Variants in PCDH7 observed in about 807,000 individuals in gnomAD.
PCDH7 encodes protocadherin 7.
A neutral mutation model predicts 58.9 loss-of-function variants in PCDH7; 17 were observed. The observed-to-expected ratio is 0.29, with a 90% CI of 0.20 to 0.43. The LOEUF (loss-of-function observed/expected upper bound fraction) is 0.43. Ranked by LOEUF, PCDH7 falls within the 20% of genes least tolerant of loss-of-function variation. The pLI is 1.00. For synonymous variants in PCDH7, 664 were observed against 616.4 expected (o/e 1.08, Z -1.14); for missense variants, 1,274 against 1,441.0 (o/e 0.88, Z 1.88).
intron 2 of PCDH7, among the ~76,000 whole-genome samples, chr4:30,933,149 C>A (rs1377528730): frequency 6.6e-6 from 1 of 152,024 alleles, no homozygotes; most frequent in African/African-American, 2.4e-5. Flanking sequence ...GCCTCAGGCT[C>A]CCAAGTAGCT....
intron 1 of PCDH7, among the ~76,000 whole-genome samples, chr4:30,738,645 C>T (rs924020611): frequency 1.3e-5 from 2 of 152,202 alleles, no homozygotes; most frequent in East Asian, 1.9e-4. Context: ...GTAAAATCAA[C>T]ATTTACATGA....
intron 3 of PCDH7, among the ~76,000 whole-genome samples, chr4:31,033,151 A>C (rs1755102601): frequency 6.6e-6 from 1 of 152,196 alleles, no homozygotes; most frequent in African/African-American, 2.4e-5. Context: ...ATGCAAAATA[A>C]AAATAATGTT....
At chr4:30,886,595 C>T (rs112221551) in intron 1 of PCDH7, among the ~76,000 whole-genome samples, 34,999 of 148,480 alleles carry the variant, frequency 0.24, 4,241 homozygotes, top group Middle Eastern at 0.26. Context: ...AGTAGAAATA[C>T]CATTTGACCC....
chr4:30,957,398 A>G (rs6819579), intron 3 of PCDH7, among the ~76,000 whole-genome samples: 13,995 of 152,228 alleles, frequency 0.092, 947 homozygotes, highest in East Asian at 0.28. Context: ...TTAGCTGAGT[A>G]TAATAGCAAC....
In PCDH7 at chr4:31,119,824, G is replaced by A. The variant is rs181042139; in HGVS notation, c.*8-22649G>A. ...ACCTGAGGCATTCTTCCCTTTTCCA[G>A]TGGACTGTGCCAGAAGGTCTTACGC... On this transcript the variant is annotated intron_variant, in intron 3 of 3. Transcript: ENST00000509759. 1.6e-3 allele frequency among the ~76,000 whole-genome samples: 246 copies of A among 152,158 alleles called. 2 individuals are homozygous for A. Among genetic ancestry groups the A allele is most frequent in the African/African-American group, 5.6e-3 (234 of 41,498 alleles).
intron 3 of PCDH7, among the ~76,000 whole-genome samples, chr4:31,135,355 T>G (rs549354912): frequency 6.6e-6 from 1 of 152,162 alleles, no homozygotes; most frequent in Non-Finnish European, 1.5e-5. Context: ...TCATTTGCCC[T>G]TGAATTTTGA....
intron 3 of PCDH7, among the ~76,000 whole-genome samples, chr4:31,078,639 ATTTTTT>A (rs10709152): frequency 9.5e-5 from 7 of 73,562 alleles, no homozygotes; most frequent in Non-Finnish European, 1.5e-4. Flanking sequence ...ACCATGCCCC[ATTTTTT>A]TTTTTTTTTT....
At chr4:30,728,024 A>G (rs144868231) in intron 1 of PCDH7, among the ~76,000 whole-genome samples, 1 of 151,846 alleles carries the variant, frequency 6.6e-6, no homozygotes, top group Admixed American at 6.6e-5. Context: ...TTTAAAATCC[A>G]CTTGCAGCTG....
chr4:31,087,611 A>T (rs1160557104), intron 3 of PCDH7, among the ~76,000 whole-genome samples: 1 of 152,096 alleles, frequency 6.6e-6, no homozygotes, highest in East Asian at 1.9e-4. Context: ...ATGACACAGT[A>T]GGAGAAATAA....
chr4:31,077,174 G>A (rs936310943), intron 3 of PCDH7, among the ~76,000 whole-genome samples: 3 of 152,082 alleles, frequency 2.0e-5, no homozygotes, highest in Admixed American at 2.0e-4. Flanking sequence ...ACTTTGGGAG[G>A]CCGAGGCGAG....
chr4:30,990,652 G>C (rs1214149089), intron 3 of PCDH7, among the ~76,000 whole-genome samples: 1 of 152,030 alleles, frequency 6.6e-6, no homozygotes, highest in Non-Finnish European at 1.5e-5. Context: ...CCACAGACTT[G>C]CTAGAGTTAG....
chr4:31,091,839 T>C (rs1713294142), intron 3 of PCDH7, among the ~76,000 whole-genome samples: 3 of 151,912 alleles, frequency 2.0e-5, no homozygotes, highest in Non-Finnish European at 2.9e-5. Flanking sequence ...GGGAGTGAGA[T>C]TGTGGATTTA....
intron 1 of PCDH7, among the ~76,000 whole-genome samples, chr4:30,884,204 T>G (rs1737376120): frequency 6.6e-6 from 1 of 152,158 alleles, no homozygotes; most frequent in East Asian, 1.9e-4. Context: ...ACACACCATT[T>G]TTGTGAATCC....
chr4:30,804,044 G>A (rs948176511), intron 1 of PCDH7, among the ~76,000 whole-genome samples: 7 of 152,076 alleles, frequency 4.6e-5, no homozygotes, highest in African/African-American at 1.7e-4. Context: ...TGGCCTAATC[G>A]CCTCCTAAAG....
chr4:30,776,015 A>G (rs1159114897), intron 1 of PCDH7, among the ~76,000 whole-genome samples: 1 of 152,250 alleles, frequency 6.6e-6, no homozygotes, highest in Non-Finnish European at 1.5e-5. Context: ...AGTACATTAT[A>G]ATAGCTGCTA....
chr4:31,133,968 T>C (rs1465395159), intron 3 of PCDH7, among the ~76,000 whole-genome samples: 1 of 152,210 alleles, frequency 6.6e-6, no homozygotes, highest in African/African-American at 2.4e-5. Context: ...TCTTGGCATG[T>C]CAGCTTGAAC....
At chr4:31,002,099 A>G (rs1344173666) in intron 3 of PCDH7, among the ~76,000 whole-genome samples, 1 of 152,210 alleles carries the variant, frequency 6.6e-6, no homozygotes, top group East Asian at 1.9e-4. Flanking sequence ...CCCCATCCCT[A>G]CAAACTCTGT....
At chr4:30,931,115 G>A (rs1485853355) in intron 2 of PCDH7, among the ~76,000 whole-genome samples, 1 of 152,124 alleles carries the variant, frequency 6.6e-6, no homozygotes, top group African/African-American at 2.4e-5. Flanking sequence ...AATGAAGAGA[G>A]TTAGGACATT....
intron 2 of PCDH7, among the ~76,000 whole-genome samples, chr4:30,946,459 C>T (rs1746688190): frequency 6.6e-6 from 1 of 152,078 alleles, no homozygotes; most frequent in Non-Finnish European, 1.5e-5. Flanking sequence ...TTCGCTGACT[C>T]TCCAGCTCTC....
Sources: gnomAD v4.1 joint callset for allele counts (sites outside exome capture counted in the v4.1 genomes callset) on GRCh38, gnomAD v4.1.1 for gene constraint, MANE v1.5 for transcripts, NCBI Gene and HGNC (gene_info 2026-07-23, HGNC 2026-07-21) for gene names.